Variants in ATP13A3 observed in about 807,000 individuals in gnomAD.
ATP13A3 encodes the protein polyamine-transporting ATPase 13A3.
In ATP13A3, 59 loss-of-function variants were observed where a neutral mutation model predicts 158.1. That is an observed-to-expected ratio of 0.37 (90% CI 0.30 to 0.46). The LOEUF (loss-of-function observed/expected upper bound fraction) is 0.46, where lower values mean the gene tolerates loss of function less well. ATP13A3 is among the 20% of genes least tolerant of loss of function. The probability of loss-of-function intolerance (pLI) is 1.00; values close to 1 mark genes in which losing one functional copy is unlikely to be tolerated. For synonymous variants in ATP13A3, 491 were observed against 504.3 expected (o/e 0.97, Z 0.35); for missense variants, 1,166 against 1,525.2 (o/e 0.76, Z 3.92).
intron 30 of ATP13A3, among the ~76,000 whole-genome samples, chr3:194,422,398 G>A (rs1716453463): frequency 6.6e-6 from 1 of 152,200 alleles, no homozygotes; most frequent in South Asian, 2.1e-4. Context: ...CAAACTGTGT[G>A]TCACTGGTGA....
rs368297588 is a variant in ATP13A3, at chr3:194,441,427, T to A, written c.1594A>T (p.Met532Leu). 28 of 1,613,466 alleles carry A rather than the reference T, an allele frequency of 1.7e-5. No homozygotes were observed. The highest frequency in any genetic ancestry group is 3.3e-5 in the South Asian group (3 of 91,044). ...LSPEENVCNE[M>L]LVKSQFVACM... ...GCAACAAACTGGGATTTTACCAACATCTCATTGCACACATTTTCTTCTGGT... is the reference window on the plus strand; with the variant it reads ...GCAACAAACTGGGATTTTACCAACAACTCATTGCACACATTTTCTTCTGGT... Residue 532 changes from methionine to leucine, a missense_variant, in exon 16 of 34, where the codon ATG becomes TTG. Met to Leu is a conservative substitution (Grantham distance 15). Coordinates refer to ENST00000645319, the MANE Select transcript of ATP13A3 (RefSeq NM_001367549.1).
chr3:194,481,403 T>C (rs983576644), intron 2 of ATP13A3, among the ~76,000 whole-genome samples: 2 of 151,806 alleles, frequency 1.3e-5, no homozygotes, highest in African/African-American at 4.8e-5. Flanking sequence ...AATGCAAAAG[T>C]TTTGAGATGT....
intron 30 of ATP13A3, among the ~76,000 whole-genome samples, chr3:194,421,114 G>GTATATATATATA (rs1553796302): frequency 4.9e-4 from 4 of 8,110 alleles, no homozygotes; most frequent in African/African-American, 2.3e-3. Flanking sequence ...TGTGTAGGGT[G>GTATATATATATA]TATATATATA....
At chr3:194,433,994 T>C (rs1717439448) in intron 20 of ATP13A3, 98 bp from the exon 21 acceptor site, 1 of 1,244,422 alleles carries the variant, frequency 8.0e-7, no homozygotes. Context: ...AAAATGTCTA[T>C]AAGTTATAAT....
In ATP13A3 at chr3:194,459,568, C is replaced by T. The variant is rs533601241; in HGVS notation, c.409-27G>A. The T allele has an allele frequency of 5.8e-6, 9 of 1,545,490 alleles. No homozygotes were observed. In the South Asian group the frequency reaches 7.9e-5, roughly 13 times the overall value. The stretch of plus-strand genomic sequence containing the variant: ...TGTGGAACACAAATAAACGTTACAC[C>T]AAAAAGCATATAATCACTTGTGATA... On this transcript the variant is annotated intron_variant, in intron 5 of 33. Coordinates refer to ENST00000645319, the MANE Select transcript of ATP13A3 (RefSeq NM_001367549.1).
chr3:194,404,143 A>G lies in ATP13A3; in HGVS notation c.*1776T>C, dbSNP rs1327568331. ...AAAATGATCCAGAGAATAAGTAACT[A>G]TAGAAAATAGTGCTAATTCACAGCT... On this transcript the variant is annotated 3_prime_UTR_variant, in exon 34 of 34. Transcript: ENST00000645319. 3 of 449,018 alleles carry G rather than the reference A, an allele frequency of 6.7e-6. No individual in the cohort carries two copies. Among genetic ancestry groups the G allele is most frequent in the Non-Finnish European group, 1.3e-5 (3 of 225,242 alleles). 27.8% of individuals were successfully genotyped at this position (449,018 alleles called of 1,614,324 possible). A position where few individuals can be genotyped will look rare whatever the true frequency, so the allele number is the denominator to read the frequency against.
chr3:194,421,048 ATATT>A (rs761724344), intron 30 of ATP13A3, among the ~76,000 whole-genome samples: 16 of 132,780 alleles, frequency 1.2e-4, no homozygotes, highest in Non-Finnish European at 1.9e-4. Flanking sequence ...CTACAGGTAA[ATATT>A]TATCATTCTA....
Position 194,431,825 on chromosome 3 carries a change from C to A in ATP13A3, c.2313G>T (p.Val771=). ...TTGGAGGTAATGCTTCAGCAATAAT[C>A]ACTTTATCCTGAGGTAGAATCATTC... ...DCGMILPQDK[V]IIAEALPPKD... Residue 771 remains valine, a synonymous_variant, in exon 22 of 34, where the codon GTG becomes GTT. Coordinates refer to ENST00000645319, the MANE Select transcript of ATP13A3 (RefSeq NM_001367549.1). The A allele has an allele frequency of 6.2e-7, 1 of 1,612,880 alleles. No individual in the cohort carries two copies. The highest frequency in any genetic ancestry group is 1.1e-5 in the South Asian group (1 of 90,848).
intron 2 of ATP13A3, among the ~76,000 whole-genome samples, chr3:194,470,788 T>C (rs908589682): frequency 6.6e-6 from 1 of 152,242 alleles, no homozygotes; most frequent in African/African-American, 2.4e-5. Flanking sequence ...AAGACTCTTA[T>C]GATTGCTAGA....
chr3:194,417,444 C>CACACAA (rs1489240737), intron 31 of ATP13A3, among the ~76,000 whole-genome samples: 5 of 145,046 alleles, frequency 3.4e-5, no homozygotes, highest in East Asian at 2.0e-4. Context: ...CACACACACA[C>CACACAA]AAAAGGAGGA....
intron 29 of ATP13A3, among the ~76,000 whole-genome samples, chr3:194,425,861 A>C (rs541749102): frequency 6.6e-6 from 1 of 152,332 alleles, no homozygotes; most frequent in East Asian, 1.9e-4. Context: ...ATCACTTTTC[A>C]GTGCTAACTG....
At chr3:194,456,979 T>C in intron 7 of ATP13A3, 115 bp downstream of exon 7, 1 of 596,782 alleles carries the variant, frequency 1.7e-6, no homozygotes, top group Non-Finnish European at 2.9e-6. Flanking sequence ...AACTACTATG[T>C]CTGTAATATT....
At chr3:194,414,865 C>G (rs1577026847) in intron 31 of ATP13A3, among the ~76,000 whole-genome samples, 1 of 152,242 alleles carries the variant, frequency 6.6e-6, no homozygotes, top group East Asian at 1.9e-4. Flanking sequence ...AAGTAACAGT[C>G]AATATATCAG....
At chr3:194,427,336 T>A in intron 28 of ATP13A3, 84 bp from the exon 29 acceptor site, 1 of 1,287,602 alleles carries the variant, frequency 7.8e-7, no homozygotes, top group Non-Finnish European at 1.0e-6. Flanking sequence ...ATTTAGGAAC[T>A]TTAAAAATTT....
upstream of ATP13A3, among the ~76,000 whole-genome samples, chr3:194,489,202 T>C (rs1296718863): frequency 1.3e-5 from 2 of 152,240 alleles, no homozygotes; most frequent in African/African-American, 4.8e-5. The surrounding 1 kb of genome is among the most constrained non-coding windows in gnomAD (Gnocchi z 4.1). Flanking sequence ...CCCAGCACTT[T>C]GGGAGGCCGA....
intron 14 of ATP13A3, among the ~76,000 whole-genome samples, chr3:194,446,049 T>A (rs1285883620): frequency 1.3e-5 from 2 of 152,062 alleles, no homozygotes; most frequent in Non-Finnish European, 2.9e-5. Flanking sequence ...AATTACTGTC[T>A]AAAAAATTAA....
intron 31 of ATP13A3, 114 bp from the exon 32 acceptor site, chr3:194,413,953 T>C: frequency 2.4e-6 from 2 of 830,924 alleles, no homozygotes; most frequent in East Asian, 2.5e-5. Context: ...CACCTTCATA[T>C]ACATTATCTA....
chr3:194,489,459 A>G (rs886602056), upstream of ATP13A3, among the ~76,000 whole-genome samples: 2 of 151,988 alleles, frequency 1.3e-5, no homozygotes, highest in South Asian at 4.1e-4. The surrounding 1 kb of genome is among the most constrained non-coding windows in gnomAD (Gnocchi z 4.1). Context: ...AAAAATTCCT[A>G]CGGTGGTTCC....
At chr3:194,476,047 A>G (rs1315311900) in intron 2 of ATP13A3, among the ~76,000 whole-genome samples, 2 of 152,146 alleles carry the variant, frequency 1.3e-5, no homozygotes, top group East Asian at 3.8e-4. Flanking sequence ...CTTACTCCAC[A>G]TGTACTTGAA....
Sources: gnomAD v4.1 joint callset for allele counts (sites outside exome capture counted in the v4.1 genomes callset) on GRCh38, gnomAD v4.1.1 for gene constraint, Gnocchi (gnomAD v3.1) non-coding constraint, MANE v1.5 for transcripts, NCBI Gene and HGNC (gene_info 2026-07-23, HGNC 2026-07-21) for gene names.